The following RUNX2 variants were observed in gnomAD, a reference collection of about 807,000 sequenced individuals.
RUNX2 encodes runt-related transcription factor 2.
A neutral mutation model predicts 51.7 loss-of-function variants in RUNX2; 10 were observed. The ratio of observed to expected loss-of-function variants is 0.19; its 90% CI spans 0.12 to 0.33. The LOEUF is 0.33. Among genes scored for constraint, RUNX2 ranks in the 10% least tolerant of loss-of-function variants. RUNX2 has a pLI of 1.00. For missense variants in RUNX2, 562 were observed against 691.3 expected (o/e 0.81, Z 2.10); for synonymous variants, 276 against 273.6 (o/e 1.01, Z -0.09).
At chr6:45,443,413 T>C (rs1204559902) in intron 5 of RUNX2, among the ~76,000 whole-genome samples, 1 of 152,068 alleles carries the variant, frequency 6.6e-6, no homozygotes, top group African/African-American at 2.4e-5. Flanking sequence ...CTAGATTTGA[T>C]TGGTTGAAGC....
intron 2 of RUNX2, among the ~76,000 whole-genome samples, chr6:45,404,323 A>G (rs1797788472): frequency 1.3e-5 from 2 of 151,772 alleles, no homozygotes; most frequent in Non-Finnish European, 2.9e-5. Flanking sequence ...AAAGAAAAAA[A>G]AGTATTCTAG....
At chr6:45,372,967 C>T (rs529721093) in intron 2 of RUNX2, among the ~76,000 whole-genome samples, 6 of 152,078 alleles carry the variant, frequency 3.9e-5, no homozygotes, top group Admixed American at 1.3e-4. Flanking sequence ...CGCCAAGACA[C>T]GCGGCTAATT....
At chr6:45,395,616 C>A (rs61117797) in intron 2 of RUNX2, among the ~76,000 whole-genome samples, 2 of 152,174 alleles carry the variant, frequency 1.3e-5, no homozygotes, top group African/African-American at 4.8e-5. Context: ...CTTTACCTTA[C>A]ATTATAAACT....
Position 45,548,904 on chromosome 6 carries a change from T to A in RUNX2, c.*1599T>A. 2.7e-6 allele frequency: 1 copy of A among 375,844 alleles called. No individual in the cohort carries two copies. 23.3% of individuals were successfully genotyped at this position (375,844 alleles called of 1,614,324 possible). A position where few individuals can be genotyped will look rare whatever the true frequency, so the allele number is the denominator to read the frequency against. On this transcript the variant is annotated 3_prime_UTR_variant, in exon 9 of 9. Coordinates refer to ENST00000647337, the MANE Select transcript of RUNX2 (RefSeq NM_001024630.4). The stretch of plus-strand genomic sequence containing the variant: ...TTAGAGGAGCAGAATGACATCACTG[T>A]CCTTTGGGAGTAGGTCCTCTGAAAA...
chr6:45,449,659 T>C (rs1341637566), intron 5 of RUNX2, among the ~76,000 whole-genome samples: 1 of 152,190 alleles, frequency 6.6e-6, no homozygotes, highest in Non-Finnish European at 1.5e-5. Context: ...CATCGCTGAA[T>C]AGTACAGAAG....
chr6:45,546,744 CT>C (rs367726336), intron 8 of RUNX2, 82 bp from the exon 9 acceptor site: 361 of 1,235,456 alleles, frequency 2.9e-4, no homozygotes, highest in Non-Finnish European at 3.7e-4. Flanking sequence ...AAAGTTTTCT[CT>C]TTTTTTTTCT....
chr6:45,471,407 G>A (rs1799795813), intron 5 of RUNX2, among the ~76,000 whole-genome samples: 1 of 151,158 alleles, frequency 6.6e-6, no homozygotes, highest in South Asian at 2.1e-4. Flanking sequence ...TAGAACTCAA[G>A]TGGTACCTAC....
intron 7 of RUNX2, among the ~76,000 whole-genome samples, chr6:45,526,048 A>G (rs1801667890): frequency 6.6e-6 from 1 of 152,188 alleles, no homozygotes; most frequent in Non-Finnish European, 1.5e-5. Context: ...CTAATATAGC[A>G]TTTAATCGAA....
At chr6:45,493,291 G>T (rs1800542864) in intron 6 of RUNX2, among the ~76,000 whole-genome samples, 1 of 152,108 alleles carries the variant, frequency 6.6e-6, no homozygotes, top group African/African-American at 2.4e-5. Flanking sequence ...CATTAAGGAA[G>T]AACATTATTG....
At chr6:45,358,475 C>A (rs947676677) in intron 2 of RUNX2, among the ~76,000 whole-genome samples, 6 of 152,052 alleles carry the variant, frequency 3.9e-5, no homozygotes, top group African/African-American at 1.4e-4. Flanking sequence ...GAAATTCTTC[C>A]CATTAAATTG....
intron 5 of RUNX2, among the ~76,000 whole-genome samples, chr6:45,479,321 C>T (rs1220492285): frequency 6.6e-6 from 1 of 152,144 alleles, no homozygotes; most frequent in Non-Finnish European, 1.5e-5. Context: ...AAAATGAAGG[C>T]ATCTAATTAG....
intron 5 of RUNX2, among the ~76,000 whole-genome samples, chr6:45,487,396 A>G (rs1436336590): frequency 1.3e-5 from 2 of 152,166 alleles, no homozygotes; most frequent in African/African-American, 4.8e-5. Context: ...TCTAAACTTT[A>G]GAGTCTAAAT....
intron 5 of RUNX2, among the ~76,000 whole-genome samples, chr6:45,471,275 T>C (rs1799791563): frequency 6.6e-6 from 1 of 152,134 alleles, no homozygotes; most frequent in African/African-American, 2.4e-5. Flanking sequence ...GTAAGGAGTG[T>C]GTATGACTTC....
chr6:45,479,614 G>A (rs1399163904), intron 5 of RUNX2, among the ~76,000 whole-genome samples: 1 of 151,916 alleles, frequency 6.6e-6, no homozygotes, highest in Non-Finnish European at 1.5e-5. Context: ...GTGGAAAAGG[G>A]AATATATTTC....
intron 5 of RUNX2, among the ~76,000 whole-genome samples, chr6:45,459,714 A>G (rs940312421): frequency 1.3e-5 from 2 of 152,260 alleles, no homozygotes; most frequent in Admixed American, 1.3e-4. Flanking sequence ...TAAGCAAACA[A>G]ATGAATATAT....
chr6:45,352,642 G>A (rs1213028994), intron 2 of RUNX2, among the ~76,000 whole-genome samples: 1 of 152,130 alleles, frequency 6.6e-6, no homozygotes, highest in African/African-American at 2.4e-5. Flanking sequence ...ATTACAAGTA[G>A]AGTACTATGG....
intron 7 of RUNX2, among the ~76,000 whole-genome samples, chr6:45,538,169 T>A (rs1802093808): frequency 6.6e-6 from 1 of 152,208 alleles, no homozygotes; most frequent in Non-Finnish European, 1.5e-5. Flanking sequence ...TAGACCAAGT[T>A]ACCACTAGCG....
intron 2 of RUNX2, among the ~76,000 whole-genome samples, chr6:45,414,179 T>C (rs1798013096): frequency 6.6e-6 from 1 of 152,182 alleles, no homozygotes; most frequent in Non-Finnish European, 1.5e-5. Context: ...GGTAATGGGC[T>C]GTAATAGCGA....
chr6:45,490,244 T>A (rs986998871), intron 5 of RUNX2, among the ~76,000 whole-genome samples: 1 of 152,378 alleles, frequency 6.6e-6, no homozygotes, highest in Non-Finnish European at 1.5e-5. Context: ...ATTTGTAATC[T>A]GGATACAAAA....
Sources: gnomAD v4.1 joint callset for allele counts (sites outside exome capture counted in the v4.1 genomes callset) on GRCh38, gnomAD v4.1.1 for gene constraint, MANE v1.5 for transcripts, NCBI Gene and HGNC (gene_info 2026-07-23, HGNC 2026-07-21) for gene names.